Variants in ASXL3 observed in about 807,000 individuals in gnomAD.
ASXL3 encodes the protein ASXL transcriptional regulator 3.
Under a neutral mutation model 170.6 loss-of-function variants are expected in ASXL3, and 34 were observed. The ratio of observed to expected loss-of-function variants is 0.20; its 90% CI spans 0.15 to 0.27. ASXL3 has a LOEUF of 0.27. ASXL3 is among the 10% of genes least tolerant of loss of function. ASXL3 has a pLI of 1.00. For synonymous variants in ASXL3, 1,002 were observed against 989.1 expected, an observed-to-expected ratio of 1.01 and a Z score of -0.24; for missense variants, 2,592 against 2,695.3, an observed-to-expected ratio of 0.96 and a Z score of 0.85.
In ASXL3 at chr18:33,713,229, GTTTTTTTTGTTTTGTTTTGTTTTT is replaced by G. The variant is rs1215701798; in HGVS notation, c.880-18730_880-18707del. Reference sequence around the variant, plus strand: ...GCAGTTAGCAATCTACCACAAGAAGGTTTTTTTTGTTTTGTTTTGTTTTTTTTTTTTTTTTTTTTTTTTTTGAGA... The same window carrying G: ...GCAGTTAGCAATCTACCACAAGAAGGTTTTTTTTTTTTTTTTTTTTTGAGA... On this transcript the variant is annotated intron_variant, in intron 8 of 11. Coordinates refer to ENST00000269197, the MANE Select transcript of ASXL3 (RefSeq NM_030632.3). Among the ~76,000 whole-genome samples, 22 of 81,770 alleles carry G rather than the reference GTTTTTTTTGTTTTGTTTTGTTTTT, an allele frequency of 2.7e-4. 3 individuals carry two copies. Among genetic ancestry groups the G allele is most frequent in the East Asian group, 6.5e-4 (1 of 1,544 alleles). 53.6% of individuals were successfully genotyped at this position (81,770 alleles called of 152,430 possible).
intron 4 of ASXL3, among the ~76,000 whole-genome samples, chr18:33,652,488 C>T (rs2066014696): frequency 6.6e-6 from 1 of 150,996 alleles, no homozygotes; most frequent in East Asian, 2.0e-4. Flanking sequence ...AGAGATTGTA[C>T]ACATTTTATC....
chr18:33,606,523 G>T (rs1464894151), intron 1 of ASXL3, among the ~76,000 whole-genome samples: 2 of 151,948 alleles, frequency 1.3e-5, no homozygotes, highest in African/African-American at 4.8e-5. Context: ...CAGTATAAGA[G>T]ATCACAGAGC....
rs2066174713 is a variant in ASXL3, at chr18:33,661,606, CTG to C, written c.356-8_356-7del. ...AAATTAGTAATATCATTATCTCTCTCTGTTTCTAGTTTGTTCGAAGCAGGTAA... is the reference window on the plus strand; with the variant it reads ...AAATTAGTAATATCATTATCTCTCTCTTTCTAGTTTGTTCGAAGCAGGTAA... On this transcript the variant is annotated splice_region_variant and splice_polypyrimidine_tract_variant and intron_variant, in intron 4 of 11. Coordinates refer to ENST00000269197, the MANE Select transcript of ASXL3 (RefSeq NM_030632.3). The C allele has an allele frequency of 6.2e-7, 1 of 1,603,484 alleles. No individual in the cohort carries two copies. The highest frequency in any genetic ancestry group is 8.5e-7 in the Non-Finnish European group (1 of 1,174,282).
At chr18:33,729,771 G>C (rs1485112369) in intron 8 of ASXL3, among the ~76,000 whole-genome samples, 1 of 151,892 alleles carries the variant, frequency 6.6e-6, no homozygotes, top group Non-Finnish European at 1.5e-5. Flanking sequence ...CTCTTAGTCG[G>C]CACTTCTACT....
intron 2 of ASXL3, among the ~76,000 whole-genome samples, chr18:33,632,797 G>A (rs1376269743): frequency 6.6e-6 from 1 of 152,154 alleles, no homozygotes; most frequent in Non-Finnish European, 1.5e-5. Flanking sequence ...TCTTCTAGGT[G>A]TATCTCAGCT....
At chr18:33,632,510 A>C (rs1405474651) in intron 2 of ASXL3, among the ~76,000 whole-genome samples, 1 of 152,154 alleles carries the variant, frequency 6.6e-6, no homozygotes, top group East Asian at 1.9e-4. Context: ...AATTCATCAT[A>C]TTGTCAAACT....
At chr18:33,735,363 A>C (rs1171365702) in intron 10 of ASXL3, among the ~76,000 whole-genome samples, 2 of 152,208 alleles carry the variant, frequency 1.3e-5, no homozygotes, top group Non-Finnish European at 2.9e-5. Flanking sequence ...GCTACCCTTC[A>C]TGAATTGTCC....
rs1364585054 is a variant in ASXL3 at position 33,748,523 on chromosome 18, G to A, written c.*1928G>A. Reference sequence around the variant, plus strand: ...ATTGGCAAAACTAATGACTGAGAAAGTTAGTTAGCAATGCACTTAACCAGC... The same window carrying A: ...ATTGGCAAAACTAATGACTGAGAAAATTAGTTAGCAATGCACTTAACCAGC... On this transcript the variant is annotated 3_prime_UTR_variant, in exon 12 of 12. Coordinates refer to ENST00000269197, the MANE Select transcript of ASXL3 (RefSeq NM_030632.3). 2 of 152,180 alleles carry A rather than the reference G, an allele frequency of 1.3e-5. No homozygotes were observed. The highest frequency in any genetic ancestry group is 4.8e-5 in the African/African-American group (2 of 41,454). The allele number at this position is 152,180 out of a possible 1,614,324, so 9.4% of individuals were successfully genotyped here.
chr18:33,669,794 G>C (rs925913643), intron 5 of ASXL3, among the ~76,000 whole-genome samples: 3 of 152,174 alleles, frequency 2.0e-5, no homozygotes, highest in Non-Finnish European at 4.4e-5. Flanking sequence ...TTAACCTTTT[G>C]AGGAGTTTTA....
rs765369686 is a variant in ASXL3 at position 33,745,364 on chromosome 18, C to T, written c.5516C>T (p.Thr1839Ile). The T allele has an allele frequency of 1.9e-6, 3 of 1,613,972 alleles. No homozygotes were observed. Among genetic ancestry groups the T allele is most frequent in the Middle Eastern group, 1.6e-4 (1 of 6,062 alleles). Residue 1839 changes from threonine (T) to isoleucine (I), a missense_variant, in exon 12 of 12, where the codon ACT (threonine) becomes ATT (isoleucine). Transcript: ENST00000269197. ...GTAGCTAGGACTGTAGGAGAACACA[C>T]TCAAGTTAAATGTGAACCAGGAAAA... ...KRVARTVGEH[T>I]QVKCEPGKLL...
At chr18:33,688,105 C>G (rs2066627041) in intron 8 of ASXL3, among the ~76,000 whole-genome samples, 1 of 152,136 alleles carries the variant, frequency 6.6e-6, no homozygotes, top group Admixed American at 6.6e-5. Context: ...AAGATTCACA[C>G]TAATAGTACC....
In ASXL3 at chr18:33,742,781, T is replaced by C. The variant is rs1049656653; in HGVS notation, c.3040-107T>C. On this transcript the variant is annotated intron_variant, in intron 11 of 11. Coordinates refer to ENST00000269197, the MANE Select transcript of ASXL3 (RefSeq NM_030632.3). ...GATTTAGGTGTAGTTCATGGCATAT[T>C]AGGAGAGAATGCAGCTAGTCTTTTC... 9.2e-5 allele frequency: 131 copies of C among 1,419,312 alleles called. No individual in the cohort carries two copies. In the East Asian group the frequency reaches 3.2e-3, roughly 35 times the overall value. 87.9% of individuals were successfully genotyped at this position (1,419,312 alleles called of 1,614,324 possible).
intron 1 of ASXL3, among the ~76,000 whole-genome samples, chr18:33,602,819 A>G: frequency 7.9e-6 from 1 of 126,164 alleles, no homozygotes; most frequent in East Asian, 2.3e-4. Flanking sequence ...ATAAAATAAC[A>G]TATGTTGTGT....
At chr18:33,643,882 A>T (rs2065880484) in intron 2 of ASXL3, among the ~76,000 whole-genome samples, 1 of 151,814 alleles carries the variant, frequency 6.6e-6, no homozygotes, top group South Asian at 2.1e-4. Flanking sequence ...ATGTGAGTGT[A>T]GTGGGGTTAG....
chr18:33,618,477 A>C (rs980840621), intron 2 of ASXL3, among the ~76,000 whole-genome samples: 11 of 152,144 alleles, frequency 7.2e-5, no homozygotes, highest in African/African-American at 2.7e-4. Flanking sequence ...AGAGAAATTA[A>C]GATAAAGTTG....
chr18:33,687,823 G>C (rs528722590), intron 8 of ASXL3, among the ~76,000 whole-genome samples: 11 of 152,102 alleles, frequency 7.2e-5, no homozygotes, highest in Non-Finnish European at 1.3e-4. Context: ...GTAAAAGAAA[G>C]TCCAACTCAA....
chr18:33,600,325 G>A (rs1198198357), intron 1 of ASXL3, among the ~76,000 whole-genome samples: 1 of 152,018 alleles, frequency 6.6e-6, no homozygotes, highest in Non-Finnish European at 1.5e-5. Flanking sequence ...AACAGTGTTT[G>A]TAATTTAACA....
intron 2 of ASXL3, 118 bp from the exon 3 acceptor site, chr18:33,644,776 T>A: frequency 1.8e-6 from 1 of 549,334 alleles, no homozygotes; most frequent in Non-Finnish European, 3.0e-6. Flanking sequence ...TGCAAAGAGG[T>A]CTTTTTTTAA....
chr18:33,676,908 T>A (rs1222213488), intron 7 of ASXL3, among the ~76,000 whole-genome samples: 1 of 152,210 alleles, frequency 6.6e-6, no homozygotes, highest in Non-Finnish European at 1.5e-5. Flanking sequence ...GCTTTAAAAA[T>A]TCTTTAGTAA....
Sources: gnomAD v4.1 joint callset for allele counts (sites outside exome capture counted in the v4.1 genomes callset) on GRCh38, gnomAD v4.1.1 for gene constraint, MANE v1.5 for transcripts, NCBI Gene and HGNC (gene_info 2026-07-23, HGNC 2026-07-21) for gene names.